DTNA: variants seen among roughly 807,000 people sequenced by gnomAD.
DTNA encodes dystrophin-related protein 3.
DTNA carries 43 observed loss-of-function variants against 100.7 expected under a neutral mutation model. That is an observed-to-expected ratio of 0.43 (90% confidence interval 0.33 to 0.55). The LOEUF is 0.55. Among genes scored for constraint, DTNA ranks in the 20% least tolerant of loss-of-function variants. The pLI is 0.04. For missense variants in DTNA, 798 were observed against 953.9 expected, an observed-to-expected ratio of 0.84 and a Z score of 2.15; for synonymous variants, 349 against 347.9, an observed-to-expected ratio of 1.00 and a Z score of -0.04.
chr18:34,719,299 G>T (rs1039151136), intron 1 of DTNA, among the ~76,000 whole-genome samples: 1 of 151,944 alleles, frequency 6.6e-6, no homozygotes, highest in African/African-American at 2.4e-5. Context: ...ACCCCAGATC[G>T]CACCACTGCA....
intron 17 of DTNA, among the ~76,000 whole-genome samples, chr18:34,872,997 T>C (rs1019794124): frequency 2.6e-5 from 4 of 152,168 alleles, no homozygotes; most frequent in Admixed American, 6.5e-5. Flanking sequence ...TAGCCTCAGT[T>C]TGCTAATATA....
At chr18:34,687,328 C>A (rs1397491890) in intron 1 of DTNA, among the ~76,000 whole-genome samples, 1 of 152,270 alleles carries the variant, frequency 6.6e-6, no homozygotes, top group East Asian at 1.9e-4. Flanking sequence ...CCCAGAGATT[C>A]TGGTACATTC....
intron 1 of DTNA, among the ~76,000 whole-genome samples, chr18:34,741,030 A>G (rs898005002): frequency 2.6e-5 from 4 of 152,184 alleles, no homozygotes; most frequent in African/African-American, 9.6e-5. Flanking sequence ...TGGTGGAATT[A>G]TAATACAAAA....
At position 34,890,476 on chromosome 18, in the gene DTNA, T is replaced by A; in HGVS notation, c.*2742T>A. On this transcript the variant is annotated 3_prime_UTR_variant, in exon 23 of 23. Coordinates refer to ENST00000444659, the MANE Select transcript of DTNA (RefSeq NM_001386795.1). ...AGCAAGTTTCACTTGTCCTGTCCATTAGATACAACTACATCTTGCGGGGGT... is the reference window on the plus strand; with the variant it reads ...AGCAAGTTTCACTTGTCCTGTCCATAAGATACAACTACATCTTGCGGGGGT... 1 of 1,535,776 alleles carries A rather than the reference T, an allele frequency of 6.5e-7. No homozygotes were observed. Among genetic ancestry groups the A allele is most frequent in the Non-Finnish European group, 8.7e-7 (1 of 1,146,756 alleles).
At chr18:34,870,345 C>G (rs2096753103) in intron 17 of DTNA, among the ~76,000 whole-genome samples, 1 of 152,114 alleles carries the variant, frequency 6.6e-6, no homozygotes, top group Non-Finnish European at 1.5e-5. Context: ...GGAATACTAG[C>G]AGGCCAGCAA....
At chr18:34,772,817 A>C (rs956546870) in intron 3 of DTNA, among the ~76,000 whole-genome samples, 1 of 152,240 alleles carries the variant, frequency 6.6e-6, no homozygotes, top group Admixed American at 6.5e-5. Flanking sequence ...TTTTCGGCTT[A>C]GCTTTACACT....
intron 8 of DTNA, 47 bp downstream of exon 8, chr18:34,818,377 G>T (rs746965651): frequency 8.1e-6 from 13 of 1,602,174 alleles, no homozygotes; most frequent in Non-Finnish European, 1.0e-5. Flanking sequence ...TGTGAGTGTT[G>T]CCCAGAGTTA....
intron 1 of DTNA, among the ~76,000 whole-genome samples, chr18:34,736,104 C>A (rs1480787409): frequency 6.6e-6 from 1 of 152,174 alleles, no homozygotes; most frequent in Non-Finnish European, 1.5e-5. Context: ...TCAATGCCCT[C>A]CACGTGAAGA....
intron 1 of DTNA, among the ~76,000 whole-genome samples, chr18:34,527,405 GT>G (rs1288005640): frequency 1.3e-5 from 2 of 151,988 alleles, no homozygotes; most frequent in Admixed American, 1.3e-4. Flanking sequence ...GCTGCCAAAA[GT>G]TAATAAAGAA....
chr18:34,847,163 C>T (rs1050597712), intron 13 of DTNA, among the ~76,000 whole-genome samples: 1 of 152,114 alleles, frequency 6.6e-6, no homozygotes, highest in Non-Finnish European at 1.5e-5. Context: ...TTGAATGGAG[C>T]ACTTCACAGA....
chr18:34,534,483 A>T (rs892449750), intron 1 of DTNA, among the ~76,000 whole-genome samples: 1 of 151,034 alleles, frequency 6.6e-6, no homozygotes, highest in Non-Finnish European at 1.5e-5. Flanking sequence ...CAAGCATTTT[A>T]TTTTTTTTTA....
chr18:34,812,469 A>G (rs988501085), intron 6 of DTNA, among the ~76,000 whole-genome samples: 9 of 152,204 alleles, frequency 5.9e-5, no homozygotes, highest in African/African-American at 1.7e-4. Flanking sequence ...ACAGACTCAC[A>G]GTTCCGCCTC....
intron 14 of DTNA, among the ~76,000 whole-genome samples, chr18:34,851,166 T>C (rs1305548414): frequency 6.6e-6 from 1 of 152,186 alleles, no homozygotes; most frequent in Admixed American, 6.5e-5. Flanking sequence ...TGCAGTGGCA[T>C]GACCTCAGCT....
rs1308516125 is a variant in DTNA at position 34,845,216 on chromosome 18, G to A, written c.1347-3080G>A. ...TGTATAATTTGAACATACTGAAATG[G>A]CATTATGTGGACCCATAAATTGTTC... On this transcript the variant is annotated intron_variant, in intron 13 of 22. Transcript: ENST00000444659. Among the ~76,000 whole-genome samples the A allele has an allele frequency of 3.3e-5, 5 of 152,046 alleles. No homozygotes were observed. In the East Asian group the frequency reaches 7.7e-4, roughly 23 times the overall value.
chr18:34,603,544 A>G (rs78931592), intron 1 of DTNA, among the ~76,000 whole-genome samples: 2,933 of 152,140 alleles, frequency 0.019, 46 homozygotes, highest in Middle Eastern at 0.034. Flanking sequence ...TGTCTTGTTA[A>G]ATGGCATTGA....
intron 1 of DTNA, among the ~76,000 whole-genome samples, chr18:34,665,191 T>G (rs1277935942): frequency 6.6e-6 from 1 of 152,072 alleles, no homozygotes; most frequent in East Asian, 1.9e-4. Flanking sequence ...AGTAAAAGTA[T>G]CTCTTTGTCT....
At chr18:34,756,799 T>C (rs2092804809) in intron 2 of DTNA, among the ~76,000 whole-genome samples, 1 of 152,270 alleles carries the variant, frequency 6.6e-6, no homozygotes, top group East Asian at 1.9e-4. Flanking sequence ...AACTTGACAT[T>C]AGGGAGAAAA....
intron 1 of DTNA, among the ~76,000 whole-genome samples, chr18:34,682,109 A>G (rs1340674977): frequency 1.3e-5 from 2 of 152,126 alleles, no homozygotes; most frequent in Non-Finnish European, 2.9e-5. Flanking sequence ...AGTCTCCTTC[A>G]TGGCTTTTCA....
At chr18:34,884,111 T>A (rs1399215436) in intron 21 of DTNA, among the ~76,000 whole-genome samples, 3 of 152,124 alleles carry the variant, frequency 2.0e-5, no homozygotes, top group Non-Finnish European at 4.4e-5. Context: ...GGCTCTGCTG[T>A]GTAGAAGGAA....
Sources: allele counts gnomAD v4.1 joint callset (sites outside exome capture counted in the v4.1 genomes callset), GRCh38; gene constraint gnomAD v4.1.1; transcripts MANE v1.5; gene names NCBI Gene and HGNC (gene_info 2026-07-23, HGNC 2026-07-21).